The following DCLK2 variants were observed in gnomAD, a reference collection of about 807,000 sequenced individuals.
DCLK2 encodes the protein serine/threonine-protein kinase DCLK2.
A neutral mutation model predicts 78.4 loss-of-function variants in DCLK2; 31 were observed. That is an observed-to-expected ratio of 0.40 (90% CI 0.30 to 0.53). DCLK2 has a LOEUF of 0.53. DCLK2 is among the 20% of genes least tolerant of loss of function. DCLK2 has a pLI of 0.61. For missense variants in DCLK2, 872 were observed against 973.7 expected, an observed-to-expected ratio of 0.90 and a Z score of 1.39; for synonymous variants, 407 against 374.9, an observed-to-expected ratio of 1.09 and a Z score of -0.99.
intron 2 of DCLK2, among the ~76,000 whole-genome samples, chr4:150,159,991 A>G (rs1344456285): frequency 1.5e-5 from 2 of 129,778 alleles, no homozygotes; most frequent in Non-Finnish European, 3.2e-5. Context: ...CTCTTTGATG[A>G]CTTTTTTTTT....
At chr4:150,083,576 A>G (rs1016513401) in intron 1 of DCLK2, among the ~76,000 whole-genome samples, 2 of 152,244 alleles carry the variant, frequency 1.3e-5, no homozygotes, top group Admixed American at 6.5e-5. Context: ...ATGAATTTCC[A>G]TAAGAACCTA....
chr4:150,213,402 A>T (rs1192001832), intron 5 of DCLK2, among the ~76,000 whole-genome samples: 4 of 152,232 alleles, frequency 2.6e-5, no homozygotes, highest in Non-Finnish European at 5.9e-5. Flanking sequence ...TTCATATCTC[A>T]TACTGAAGTA....
intron 2 of DCLK2, among the ~76,000 whole-genome samples, chr4:150,117,885 C>T (rs1198232074): frequency 6.6e-6 from 1 of 152,182 alleles, no homozygotes; most frequent in Non-Finnish European, 1.5e-5. Flanking sequence ...ACTATTTTGT[C>T]TTTTCACGTG....
intron 3 of DCLK2, among the ~76,000 whole-genome samples, chr4:150,196,094 G>C (rs753307110): frequency 6.6e-6 from 1 of 151,994 alleles, no homozygotes; most frequent in African/African-American, 2.4e-5. Flanking sequence ...AACTTGTATT[G>C]TAATCTTAAT....
intron 1 of DCLK2, among the ~76,000 whole-genome samples, chr4:150,085,871 T>G (rs1490427451): frequency 1.3e-5 from 2 of 152,226 alleles, no homozygotes; most frequent in African/African-American, 4.8e-5. Flanking sequence ...TATAGCGACT[T>G]GAACGGACTA....
Position 150,079,164 on chromosome 4 carries a change from C to T in DCLK2, c.137C>T (p.Pro46Leu). ...SSGPKGNGLI[P>L]SPAHSAHCSF... is the part of the protein sequence containing the mutation. ...GGCCCCAAGGGGAACGGGCTCATCC[C>T]CAGTCCGGCGCACAGTGCCCACTGC... Residue 46 changes from proline (P) to leucine (L), a missense_variant, in exon 1 of 16, where the codon CCC becomes CTC. Physicochemically the swap from Pro to Leu is moderately conservative, Grantham distance 98. Transcript: ENST00000296550. The T allele has an allele frequency of 6.2e-7, 1 of 1,607,420 alleles. No homozygotes were observed. The highest frequency in any genetic ancestry group is 8.5e-7 in the Non-Finnish European group (1 of 1,176,904).
At chr4:150,158,857 CA>C (rs931681995) in intron 2 of DCLK2, among the ~76,000 whole-genome samples, 1 of 150,766 alleles carries the variant, frequency 6.6e-6, no homozygotes, top group Non-Finnish European at 1.5e-5. Context: ...GACACCATCT[CA>C]AAAAAGAAAA....
chr4:150,121,644 T>C (rs1295048189), intron 2 of DCLK2, among the ~76,000 whole-genome samples: 1 of 152,242 alleles, frequency 6.6e-6, no homozygotes, highest in African/African-American at 2.4e-5. Context: ...TTCCCATGAA[T>C]CATAAATGTT....
chr4:150,078,688 T>G lies in DCLK2; in HGVS notation c.-340T>G, dbSNP rs1264032136. ...CAGCGCGAGCCTCGGGCGGCCCAAC[T>G]TTGCCTCTCCCGGTCGGCTCCCGAG... On this transcript the variant is annotated 5_prime_UTR_variant, in exon 1 of 16. Coordinates refer to ENST00000296550, the MANE Select transcript of DCLK2 (RefSeq NM_001040260.4). The G allele has an allele frequency of 1.1e-5, 2 of 181,340 alleles. No individual in the cohort carries two copies. The highest frequency in any genetic ancestry group is 2.3e-5 in the Non-Finnish European group (2 of 87,644). 11.2% of individuals were successfully genotyped at this position (181,340 alleles called of 1,614,324 possible).
intron 12 of DCLK2, among the ~76,000 whole-genome samples, chr4:150,243,706 C>T (rs765587743): frequency 1.3e-5 from 2 of 151,778 alleles, no homozygotes; most frequent in Non-Finnish European, 2.9e-5. Flanking sequence ...TGTAGTTTGA[C>T]ATGTGTTCTC....
intron 1 of DCLK2, among the ~76,000 whole-genome samples, 195 bp from the exon 2 acceptor site, chr4:150,102,283 T>C (rs1331107633): frequency 6.6e-6 from 1 of 152,146 alleles, no homozygotes; most frequent in Non-Finnish European, 1.5e-5. Flanking sequence ...ATCCTTGTTA[T>C]TCTCTCAAAA....
chr4:150,124,125 G>C (rs1732763162), intron 2 of DCLK2, among the ~76,000 whole-genome samples: 1 of 152,032 alleles, frequency 6.6e-6, no homozygotes, highest in South Asian at 2.1e-4. Flanking sequence ...TGTATTTTTA[G>C]GACATTTAAT....
intron 8 of DCLK2, among the ~76,000 whole-genome samples, chr4:150,229,641 C>A (rs1459546755): frequency 6.6e-6 from 1 of 152,086 alleles, no homozygotes; most frequent in Non-Finnish European, 1.5e-5. Context: ...ATTATACCCC[C>A]CCATTCCTCT....
At chr4:150,119,044 T>TA (rs141800668) in intron 2 of DCLK2, among the ~76,000 whole-genome samples, 29 of 115,384 alleles carry the variant, frequency 2.5e-4, no homozygotes, top group East Asian at 6.9e-4. Flanking sequence ...ACAATAATAA[T>TA]ATAATAATAA....
chr4:150,132,037 G>T (rs1467844242), intron 2 of DCLK2, among the ~76,000 whole-genome samples: 1 of 152,158 alleles, frequency 6.6e-6, no homozygotes, highest in African/African-American at 2.4e-5. Flanking sequence ...CATAAAGGCA[G>T]CCCTGTGTGT....
At chr4:150,085,876 G>A (rs1041646679) in intron 1 of DCLK2, among the ~76,000 whole-genome samples, 2 of 152,114 alleles carry the variant, frequency 1.3e-5, no homozygotes, top group Non-Finnish European at 2.9e-5. Context: ...CGACTTGAAC[G>A]GACTAATACA....
chr4:150,170,199 A>G (rs1218523599), intron 2 of DCLK2, among the ~76,000 whole-genome samples: 1 of 151,960 alleles, frequency 6.6e-6, no homozygotes, highest in East Asian at 1.9e-4. Context: ...GATTACCACC[A>G]TGTCTGGCTG....
At chr4:150,102,297 A>G (rs1227552570) in intron 1 of DCLK2, among the ~76,000 whole-genome samples, 181 bp from the exon 2 acceptor site, 1 of 152,162 alleles carries the variant, frequency 6.6e-6, no homozygotes. Context: ...CTCAAAACCA[A>G]TCTAGACTAT....
chr4:150,171,812 C>G (rs1736552165), intron 2 of DCLK2, among the ~76,000 whole-genome samples: 1 of 152,222 alleles, frequency 6.6e-6, no homozygotes, highest in Admixed American at 6.5e-5. Flanking sequence ...GCTCTTAGTT[C>G]TTCCGTGATT....
Sources: gnomAD v4.1 joint callset for allele counts (sites outside exome capture counted in the v4.1 genomes callset) on GRCh38, gnomAD v4.1.1 for gene constraint, MANE v1.5 for transcripts, NCBI Gene and HGNC (gene_info 2026-07-23, HGNC 2026-07-21) for gene names.